Variants in RABGAP1 observed in about 807,000 individuals in gnomAD.
RABGAP1 encodes rab GTPase-activating protein 1.
RABGAP1 carries 23 observed loss-of-function variants against 137.6 expected under a neutral mutation model. The observed-to-expected ratio is 0.17, with a 90% CI of 0.12 to 0.24. The LOEUF (loss-of-function observed/expected upper bound fraction) is 0.24. RABGAP1 is among the 10% of genes least tolerant of loss of function. The pLI is 1.00. For synonymous variants in RABGAP1, 451 were observed against 450.7 expected (o/e 1.00, Z -0.01); for missense variants, 906 against 1,275.8 (o/e 0.71, Z 4.42).
chr9:123,103,393 C>A lies in RABGAP1; in HGVS notation c.*180C>A. The A allele has an allele frequency of 1.2e-6, 1 of 857,840 alleles. No individual in the cohort carries two copies. The highest frequency in any genetic ancestry group is 1.7e-6 in the Non-Finnish European group (1 of 582,222). The allele number at this position is 857,840 out of a possible 1,614,324, so 53.1% of individuals were successfully genotyped here. On this transcript the variant is annotated 3_prime_UTR_variant, in exon 26 of 26. Coordinates refer to ENST00000373647, the MANE Select transcript of RABGAP1 (RefSeq NM_012197.4). ...GAAGCAGGCAACCTCTGGGGTAAGA[C>A]TACTGATACTAACAGGCCTGCTAGC...
chr9:123,046,078 G>A (rs184025711), intron 13 of RABGAP1, among the ~76,000 whole-genome samples: 25 of 152,288 alleles, frequency 1.6e-4, no homozygotes, highest in African/African-American at 5.8e-4. Context: ...CTTAAGTACT[G>A]CCTTGATAGT....
intron 1 of RABGAP1, among the ~76,000 whole-genome samples, chr9:122,948,422 C>T (rs1403605150): frequency 6.6e-6 from 1 of 152,050 alleles, no homozygotes; most frequent in African/African-American, 2.4e-5. Context: ...TGAACTTAAG[C>T]GAGTTACTCA....
intron 12 of RABGAP1, among the ~76,000 whole-genome samples, chr9:123,016,125 T>TA (rs1224872557): frequency 2.6e-5 from 4 of 152,204 alleles, no homozygotes; most frequent in Admixed American, 1.3e-4. Context: ...TACTAACACT[T>TA]ACAAATTTTA....
chr9:122,998,727 A>G lies in RABGAP1; in HGVS notation c.1335A>G (p.Lys445=), dbSNP rs989443874. ...PNERLFWPFS[K]RSTTENFFLK... Reference sequence around the variant, plus strand: ...AAAGATTATTCTGGCCCTTCAGCAAACGTAGTACTACTGAAAATTTCTTTT... The same window carrying G: ...AAAGATTATTCTGGCCCTTCAGCAAGCGTAGTACTACTGAAAATTTCTTTT... Residue 445 remains lysine (K), a synonymous_variant, in exon 10 of 26, where the codon AAA becomes AAG. Coordinates refer to ENST00000373647, the MANE Select transcript of RABGAP1 (RefSeq NM_012197.4). The G allele has an allele frequency of 1.2e-6, 2 of 1,607,558 alleles. No homozygotes were observed. Among genetic ancestry groups the G allele is most frequent in the Non-Finnish European group, 1.7e-6 (2 of 1,177,132 alleles).
chr9:123,007,929 A>G (rs1444979722), intron 10 of RABGAP1, among the ~76,000 whole-genome samples: 4 of 149,274 alleles, frequency 2.7e-5, no homozygotes, highest in Non-Finnish European at 4.4e-5. Flanking sequence ...TTTAAAACCT[A>G]TGTTTAAATT....
chr9:122,941,327 G>T (rs1469428656), intron 1 of RABGAP1, among the ~76,000 whole-genome samples: 1 of 152,242 alleles, frequency 6.6e-6, no homozygotes, highest in African/African-American at 2.4e-5. Context: ...CGCTCTGGGA[G>T]CCCCTGCCCA....
At chr9:122,979,088 G>C (rs1835916526) in intron 2 of RABGAP1, among the ~76,000 whole-genome samples, 1 of 151,936 alleles carries the variant, frequency 6.6e-6, no homozygotes, top group East Asian at 1.9e-4. Flanking sequence ...TGTAGAGTCG[G>C]GGTCTCACCA....
At chr9:123,049,290 TTTGTTGTTG>T (rs201223630) in intron 13 of RABGAP1, among the ~76,000 whole-genome samples, 7 of 152,018 alleles carry the variant, frequency 4.6e-5, no homozygotes, top group Non-Finnish European at 8.8e-5. Flanking sequence ...TATGGTGTTT[TTTGTTGTTG>T]TTGTTGTTGT....
chr9:123,023,084 G>A (rs2131941522), intron 13 of RABGAP1, among the ~76,000 whole-genome samples: 1 of 152,252 alleles, frequency 6.6e-6, no homozygotes, highest in Middle Eastern at 3.4e-3. Flanking sequence ...ACCCCCAAAA[G>A]TTACTCATGT....
intron 13 of RABGAP1, among the ~76,000 whole-genome samples, chr9:123,045,017 C>T (rs10985872): frequency 0.067 from 10,132 of 152,224 alleles, 403 homozygotes; most frequent in African/African-American, 0.083. Context: ...AAAAACCTAT[C>T]TTTACAAGAA....
In RABGAP1 at chr9:122,956,985, GTATCTT is replaced by G; in HGVS notation, c.-49-22_-49-17del. Reference sequence around the variant, plus strand: ...AATATCTGGCAGACATTCTATATGAGTATCTTTATGGTTTTTGTTTTTCAGGCATTA... The same window carrying G: ...AATATCTGGCAGACATTCTATATGAGTATGGTTTTTGTTTTTCAGGCATTA... On this transcript the variant is annotated intron_variant, in intron 1 of 25. Coordinates refer to ENST00000373647, the MANE Select transcript of RABGAP1 (RefSeq NM_012197.4). The G allele has an allele frequency of 4.2e-6, 5 of 1,196,238 alleles. No individual in the cohort carries two copies. The highest frequency in any genetic ancestry group is 5.6e-6 in the Non-Finnish European group (5 of 900,190). The allele number at this position is 1,196,238 out of a possible 1,614,324, so 74.1% of individuals were successfully genotyped here. A position where few individuals can be genotyped will look rare whatever the true frequency, so the allele number is the denominator to read the frequency against.
chr9:123,020,025 A>G (rs2131924258), intron 12 of RABGAP1, among the ~76,000 whole-genome samples: 1 of 149,616 alleles, frequency 6.7e-6, no homozygotes, highest in South Asian at 2.1e-4. Context: ...TTCATCTGTG[A>G]TTTCCAGTTT....
At chr9:123,034,197 C>T in intron 13 of RABGAP1, 2 of 249,176 alleles carry the variant, frequency 8.0e-6, no homozygotes, top group Non-Finnish European at 1.5e-5. Flanking sequence ...CATTACAACT[C>T]CTGCTGAAGC....
rs563415115 is a variant in RABGAP1, at chr9:123,074,209, G to A, written c.2110-76G>A. On this transcript the variant is annotated intron_variant, in intron 16 of 25. Coordinates refer to ENST00000373647, the MANE Select transcript of RABGAP1 (RefSeq NM_012197.4). ...TATTTTACTTTTTTGGCCTATTCCTGGTAGATTTATGAGCCTCCTTAGTGG... is the reference window on the plus strand; with the variant it reads ...TATTTTACTTTTTTGGCCTATTCCTAGTAGATTTATGAGCCTCCTTAGTGG... The A allele has an allele frequency of 1.3e-5, 20 of 1,561,636 alleles. 1 individual carries two copies. The African/African-American group carries it at 1.5e-4, about 12-fold the overall frequency.
At chr9:122,933,143 G>T in the RABGAP1 span, among the ~76,000 whole-genome samples, 1 of 152,028 alleles carries the variant, frequency 6.6e-6, no homozygotes, top group Non-Finnish European at 1.5e-5. Context: ...TCTTCTATCT[G>T]ATTCTTCTCC....
At chr9:123,102,908 T>C (rs2035385282) in intron 25 of RABGAP1, among the ~76,000 whole-genome samples, 183 bp from the exon 26 acceptor site, 1 of 152,184 alleles carries the variant, frequency 6.6e-6, no homozygotes, top group South Asian at 2.1e-4. Context: ...AGAAATTAGA[T>C]CTTAACTAAA....
chr9:123,096,583 T>C (rs1343522394), intron 21 of RABGAP1, among the ~76,000 whole-genome samples: 2 of 152,194 alleles, frequency 1.3e-5, no homozygotes, highest in African/African-American at 4.8e-5. Flanking sequence ...TTTCTCTCTC[T>C]TTTGAGACTG....
chr9:123,019,569 CCT>C (rs1441231359), intron 12 of RABGAP1, among the ~76,000 whole-genome samples: 1 of 152,154 alleles, frequency 6.6e-6, no homozygotes. Flanking sequence ...CCCACCTTGG[CCT>C]CTCAAAGCAG....
At chr9:123,086,464 T>G (rs1022616929) in intron 19 of RABGAP1, among the ~76,000 whole-genome samples, 10 of 152,108 alleles carry the variant, frequency 6.6e-5, no homozygotes, top group Non-Finnish European at 1.3e-4. Flanking sequence ...CTCTCCCAGA[T>G]ATGGCCTCAA....
Sources: allele counts gnomAD v4.1 joint callset (sites outside exome capture counted in the v4.1 genomes callset), GRCh38; gene constraint gnomAD v4.1.1; transcripts MANE v1.5; gene names NCBI Gene and HGNC (gene_info 2026-07-23, HGNC 2026-07-21).